SMC5: variants seen among roughly 807,000 people sequenced by gnomAD.
SMC5 encodes the protein structural maintenance of chromosomes 5, also known as structural maintenance of chromosomes protein 5.
SMC5 carries 88 observed loss-of-function variants against 148.3 expected under a neutral mutation model. That is an observed-to-expected ratio of 0.59 (90% CI 0.50 to 0.71). The LOEUF (loss-of-function observed/expected upper bound fraction) is 0.71, where lower values mean the gene tolerates loss of function less well. Among genes scored for constraint, SMC5 ranks in the 30% least tolerant of loss-of-function variants. SMC5 has a pLI of 0.00. For synonymous variants in SMC5, 421 were observed against 432.8 expected, an observed-to-expected ratio of 0.97 and a Z score of 0.34; for missense variants, 1,142 against 1,298.9, an observed-to-expected ratio of 0.88 and a Z score of 1.86.
chr9:70,281,040 T>G, intron 6 of SMC5, 141 bp downstream of exon 6: 1 of 885,452 alleles, frequency 1.1e-6, no homozygotes, highest in Admixed American at 2.9e-5. Flanking sequence ...ATAAAATTCA[T>G]GTCTTTTTTT....
In SMC5 at chr9:70,277,430, C is replaced by T; in HGVS notation, c.501C>T (p.Ala167=). The change falls in exon 4 of 25, where the codon GCC becomes GCT. Residue 167 remains alanine, a synonymous_variant. Transcript: ENST00000361138. The stretch of plus-strand genomic sequence containing the variant: ...AAATAGTGGAAGAGAAAGTTGCAGC[C>T]TTAAATATTCAAGTGGGGAATCTTT... ...TQKIVEEKVA[A]LNIQVGNLCQ... 1 of 1,600,224 alleles carries T rather than the reference C, an allele frequency of 6.2e-7. No individual in the cohort carries two copies. Among genetic ancestry groups the T allele is most frequent in the Non-Finnish European group, 8.5e-7 (1 of 1,174,118 alleles).
At chr9:70,340,477 G>T (rs1297614844) in intron 17 of SMC5, among the ~76,000 whole-genome samples, 1 of 151,830 alleles carries the variant, frequency 6.6e-6, no homozygotes, top group African/African-American at 2.4e-5. Context: ...CTAAATGAAT[G>T]ATTTTTATAT....
chr9:70,260,324 C>G (rs2034080944), intron 1 of SMC5, among the ~76,000 whole-genome samples: 1 of 152,172 alleles, frequency 6.6e-6, no homozygotes. Flanking sequence ...CCAGGCTGAT[C>G]TGGAACTTTT....
intron 11 of SMC5, chr9:70,311,758 C>A (rs1455942196): frequency 6.6e-6 from 1 of 151,346 alleles, no homozygotes; most frequent in Admixed American, 6.6e-5. Context: ...TAAAGCAAAG[C>A]ACAATAAAAT....
chr9:70,335,813 G>A (rs1245138451), intron 17 of SMC5, among the ~76,000 whole-genome samples: 4 of 152,050 alleles, frequency 2.6e-5, no homozygotes, highest in African/African-American at 9.7e-5. Flanking sequence ...CCAAAAGTTA[G>A]GGAAGAAAAC....
chr9:70,277,171 G>T (rs1442277145), intron 3 of SMC5, 139 bp from the exon 4 acceptor site: 2 of 630,380 alleles, frequency 3.2e-6, no homozygotes, highest in African/African-American at 3.8e-5. Flanking sequence ...CTTCTTGAGG[G>T]GCCAAAATAT....
chr9:70,271,714 A>G (rs927105890), intron 3 of SMC5, among the ~76,000 whole-genome samples: 3 of 152,216 alleles, frequency 2.0e-5, no homozygotes, highest in Non-Finnish European at 4.4e-5. Flanking sequence ...TGATCAGGAA[A>G]GATCTCACTG....
chr9:70,329,480 C>T (rs541039911), intron 17 of SMC5, among the ~76,000 whole-genome samples: 45 of 152,306 alleles, frequency 3.0e-4, no homozygotes, highest in African/African-American at 1.0e-3. Context: ...ACAGTGCTGC[C>T]AGTCTCTGCT....
intron 11 of SMC5, among the ~76,000 whole-genome samples, chr9:70,314,324 C>T (rs2035739512): frequency 6.6e-6 from 1 of 152,176 alleles, no homozygotes; most frequent in South Asian, 2.1e-4. Flanking sequence ...TTTCAGATGT[C>T]AACTCCCTTC....
chr9:70,274,815 C>T (rs1019798916), intron 3 of SMC5, among the ~76,000 whole-genome samples: 2 of 152,006 alleles, frequency 1.3e-5, no homozygotes, highest in African/African-American at 2.4e-5. Flanking sequence ...ATCTGTCTTC[C>T]TGCTAAACAA....
Position 70,307,487 on chromosome 9 carries a change from A to G in SMC5, c.1578+2127A>G, listed in dbSNP as rs563414760. Among the ~76,000 whole-genome samples, 3 of 151,468 alleles carry G rather than the reference A, an allele frequency of 2.0e-5. No homozygotes were observed. In the East Asian group the frequency reaches 5.8e-4, roughly 29 times the overall value. On this transcript the variant is annotated intron_variant, in intron 11 of 24. Coordinates refer to ENST00000361138, the MANE Select transcript of SMC5 (RefSeq NM_015110.4). ...CAGTATAGATTCATAGAATTGTTTT[A>G]TGTATTTTAATTCATTACTTTTTTT... is the stretch of plus-strand genomic sequence containing the variant.
intron 11 of SMC5, among the ~76,000 whole-genome samples, chr9:70,307,814 T>G (rs1379848935): frequency 6.6e-6 from 1 of 152,188 alleles, no homozygotes; most frequent in Non-Finnish European, 1.5e-5. Context: ...AATTCATTAC[T>G]ATTTTAATGC....
intron 4 of SMC5, 108 bp downstream of exon 4, chr9:70,277,580 T>G: frequency 2.6e-6 from 2 of 773,106 alleles, no homozygotes; most frequent in Non-Finnish European, 3.7e-6. Context: ...AACATAGCAC[T>G]CTTACAGTTC....
intron 17 of SMC5, among the ~76,000 whole-genome samples, chr9:70,337,125 C>T (rs948234991): frequency 1.3e-5 from 2 of 152,140 alleles, no homozygotes; most frequent in Non-Finnish European, 1.5e-5. Flanking sequence ...TGCCACAACA[C>T]GTGGGAATTC....
chr9:70,347,857 TG>T (rs2036707546), intron 21 of SMC5, 61 bp from the exon 22 acceptor site: 1 of 1,460,152 alleles, frequency 6.8e-7, no homozygotes, highest in Admixed American at 2.3e-5. Flanking sequence ...TACATAAAAT[TG>T]TGTGTCAGAA....
chr9:70,350,076 G>A (rs1413851795), intron 22 of SMC5, 38 bp from the exon 23 acceptor site: 12 of 1,456,830 alleles, frequency 8.2e-6, no homozygotes, highest in African/African-American at 1.4e-5. Flanking sequence ...CATTACCAGA[G>A]GAAACTCATT....
At chr9:70,261,791 G>C (rs558877816) in intron 1 of SMC5, among the ~76,000 whole-genome samples, 3 of 152,264 alleles carry the variant, frequency 2.0e-5, no homozygotes, top group Admixed American at 2.0e-4. Flanking sequence ...AAAGTCAGAA[G>C]GAACTATTCA....
chr9:70,354,826 A>C lies in SMC5; in HGVS notation c.*2495A>C, dbSNP rs1157398622. The C allele has an allele frequency of 6.6e-6, 1 of 152,162 alleles. No homozygotes were observed. The highest frequency in any genetic ancestry group is 2.4e-5 in the African/African-American group (1 of 41,448). 9.4% of individuals were successfully genotyped at this position (152,162 alleles called of 1,614,324 possible). On this transcript the variant is annotated 3_prime_UTR_variant, in exon 25 of 25. Coordinates refer to ENST00000361138, the MANE Select transcript of SMC5 (RefSeq NM_015110.4). ...GTGCTTGTGTGTGTGTAATTGAAAA[A>C]ACTGGGAAATCCTGCTTTGTTGGTA...
chr9:70,292,341 T>C (rs2118312119), intron 8 of SMC5, among the ~76,000 whole-genome samples: 1 of 152,340 alleles, frequency 6.6e-6, no homozygotes, highest in East Asian at 1.9e-4. Flanking sequence ...TTTTTATTTC[T>C]TTCATTAGCA....
Sources: allele counts gnomAD v4.1 joint callset (sites outside exome capture counted in the v4.1 genomes callset), GRCh38; gene constraint gnomAD v4.1.1; transcripts MANE v1.5; gene names NCBI Gene and HGNC (gene_info 2026-07-23, HGNC 2026-07-21).